The following CADPS2 variants were observed in gnomAD, a reference collection of about 807,000 sequenced individuals.
CADPS2 encodes calcium dependent secretion activator 2, also known as calcium-dependent secretion activator 2.
A neutral mutation model predicts 172.5 loss-of-function variants in CADPS2; 93 were observed. That is an observed-to-expected ratio of 0.54 (90% CI 0.46 to 0.64). The LOEUF is 0.64. Among genes scored for constraint, CADPS2 ranks in the 30% least tolerant of loss-of-function variants. CADPS2 has a pLI of 0.00. For missense variants in CADPS2, 1,420 were observed against 1,565.9 expected (o/e 0.91, Z 1.57); for synonymous variants, 546 against 555.2 (o/e 0.98, Z 0.23).
intron 12 of CADPS2, among the ~76,000 whole-genome samples, chr7:122,474,880 C>T (rs968306766): frequency 1.3e-5 from 2 of 152,110 alleles, no homozygotes; most frequent in Non-Finnish European, 2.9e-5. Context: ...TAAAAAACAG[C>T]AATGATGCCT....
rs992452633 is a variant in CADPS2 at position 122,541,637 on chromosome 7, A to G, written c.1475+12913T>C. 2.8e-5 allele frequency among the ~76,000 whole-genome samples: 4 copies of G among 145,212 alleles called. No individual in the cohort carries two copies. The Admixed American group carries it at 2.8e-4, about 10-fold the overall frequency. Reference sequence around the variant, plus strand: ...CATATATCCATATATATTTTCATATATTCATATATATTCATATCTTTATAT... The same window carrying G: ...CATATATCCATATATATTTTCATATGTTCATATATATTCATATCTTTATAT... On this transcript the variant is annotated intron_variant, in intron 8 of 29. Coordinates refer to ENST00000449022, the MANE Select transcript of CADPS2 (RefSeq NM_017954.11).
Position 122,696,492 on chromosome 7 carries a change from G to T in CADPS2, c.454-32923C>A, listed in dbSNP as rs1018877950. Among the ~76,000 whole-genome samples, 6 of 113,936 alleles carry T rather than the reference G, an allele frequency of 5.3e-5. No individual in the cohort carries two copies. The Admixed American group carries it at 6.1e-4, about 12-fold the overall frequency. 74.7% of individuals were successfully genotyped at this position (113,936 alleles called of 152,430 possible). The stretch of plus-strand genomic sequence containing the variant: ...TTAGATTAGTGTCTCTCCTCCTTTA[G>T]TCTTCCATGACCCCATGGTCATGGA... On this transcript the variant is annotated intron_variant, in intron 2 of 29. Coordinates refer to ENST00000449022, the MANE Select transcript of CADPS2 (RefSeq NM_017954.11).
At chr7:122,381,295 C>G (rs183069859) in intron 24 of CADPS2, among the ~76,000 whole-genome samples, 1 of 152,068 alleles carries the variant, frequency 6.6e-6, no homozygotes, top group Admixed American at 6.6e-5. Context: ...TTAAATGCCA[C>G]GTGATACACC....
chr7:122,449,830 G>A (rs2052809868), intron 15 of CADPS2, among the ~76,000 whole-genome samples: 3 of 151,982 alleles, frequency 2.0e-5, no homozygotes, highest in Non-Finnish European at 4.4e-5. Context: ...CTGTGGGATT[G>A]TCTCATGTAC....
At chr7:122,675,923 G>T (rs2082335061) in intron 2 of CADPS2, among the ~76,000 whole-genome samples, 1 of 151,854 alleles carries the variant, frequency 6.6e-6, no homozygotes, top group African/African-American at 2.4e-5. Context: ...AACCACCACG[G>T]CACATGCACG....
chr7:122,328,703 G>C (rs1463057110), intron 28 of CADPS2: 1 of 152,076 alleles, frequency 6.6e-6, no homozygotes, highest in Non-Finnish European at 1.5e-5. Flanking sequence ...GCATTTTCTT[G>C]AGATATCTCT....
chr7:122,436,313 C>G (rs530511498), intron 17 of CADPS2: 1 of 1,172,796 alleles, frequency 8.5e-7, no homozygotes, highest in South Asian at 1.3e-5. Context: ...AAATATCACA[C>G]CACCACATGA....
At chr7:122,485,496 C>T (rs1266957009) in intron 11 of CADPS2, among the ~76,000 whole-genome samples, 1 of 152,182 alleles carries the variant, frequency 6.6e-6, no homozygotes, top group Non-Finnish European at 1.5e-5. Flanking sequence ...CAAGGCCCTG[C>T]CTTTCTTCGA....
chr7:122,676,120 G>A (rs2082356754), intron 2 of CADPS2, among the ~76,000 whole-genome samples: 1 of 152,102 alleles, frequency 6.6e-6, no homozygotes, highest in African/African-American at 2.4e-5. Flanking sequence ...AGTAAACCCT[G>A]GGAAAAGCCA....
intron 15 of CADPS2, among the ~76,000 whole-genome samples, chr7:122,444,200 G>A (rs1413384693): frequency 6.6e-6 from 1 of 152,050 alleles, no homozygotes; most frequent in Non-Finnish European, 1.5e-5. Flanking sequence ...GGCATACACT[G>A]TGTATCTATT....
intron 5 of CADPS2, among the ~76,000 whole-genome samples, chr7:122,621,049 G>A (rs905085082): frequency 1.3e-4 from 19 of 151,884 alleles, no homozygotes; most frequent in African/African-American, 4.3e-4. Context: ...GGGACTACAC[G>A]CTCACATCAT....
At chr7:122,734,387 G>T (rs150410767) in intron 2 of CADPS2, among the ~76,000 whole-genome samples, 9 of 90,828 alleles carry the variant, frequency 9.9e-5, no homozygotes, top group South Asian at 8.1e-4. Flanking sequence ...AAAAAAAAAA[G>T]AAAAAAAAAA....
At chr7:122,483,820 T>C (rs1417783859) in intron 11 of CADPS2, among the ~76,000 whole-genome samples, 1 of 151,920 alleles carries the variant, frequency 6.6e-6, no homozygotes, top group Non-Finnish European at 1.5e-5. Flanking sequence ...ATCACAAAGA[T>C]AACAAAACAA....
intron 2 of CADPS2, chr7:122,681,797 A>G: frequency 2.0e-6 from 1 of 492,678 alleles, no homozygotes. Flanking sequence ...AAATAAAAAT[A>G]AAACCCTTAG....
intron 15 of CADPS2, 125 bp from the exon 16 acceptor site, chr7:122,441,700 G>A (rs941359588): frequency 2.5e-5 from 13 of 524,610 alleles, no homozygotes; most frequent in Non-Finnish European, 4.2e-5. Context: ...ATTATAGCAT[G>A]AACTCATCCA....
intron 2 of CADPS2, among the ~76,000 whole-genome samples, chr7:122,689,106 CT>C (rs2083997913): frequency 6.6e-6 from 1 of 152,136 alleles, no homozygotes; most frequent in Non-Finnish European, 1.5e-5. Flanking sequence ...CAACAACATA[CT>C]ACTAATATTC....
chr7:122,490,580 A>G (rs1167176348), intron 10 of CADPS2, among the ~76,000 whole-genome samples: 8 of 152,126 alleles, frequency 5.3e-5, no homozygotes, highest in Admixed American at 5.2e-4. Flanking sequence ...GCACAATCTG[A>G]TATTTCATGC....
At chr7:122,640,045 T>C (rs1342274444) in intron 3 of CADPS2, among the ~76,000 whole-genome samples, 10 of 152,164 alleles carry the variant, frequency 6.6e-5, no homozygotes, top group African/African-American at 2.4e-4. Flanking sequence ...GAATCTCAAT[T>C]TTCAGCTCCG....
chr7:122,715,642 G>A (rs1420217339), intron 2 of CADPS2, among the ~76,000 whole-genome samples: 1 of 151,882 alleles, frequency 6.6e-6, no homozygotes, highest in Non-Finnish European at 1.5e-5. Context: ...GATAGCTTTA[G>A]TCATCTTCTA....
Sources: allele counts gnomAD v4.1 joint callset (sites outside exome capture counted in the v4.1 genomes callset), GRCh38; gene constraint gnomAD v4.1.1; transcripts MANE v1.5; gene names NCBI Gene and HGNC (gene_info 2026-07-23, HGNC 2026-07-21).